The following KAT14 variants were observed in gnomAD, a reference collection of about 807,000 sequenced individuals.
KAT14 encodes the protein cysteine-rich protein 2-binding protein.
Under a neutral mutation model 78.4 loss-of-function variants are expected in KAT14, and 66 were observed. That is an observed-to-expected ratio of 0.84 (90% CI 0.69 to 1.03). KAT14 has a LOEUF of 1.03. Ranked by LOEUF, KAT14 falls within the 50% of genes least tolerant of loss-of-function variation. The probability of loss-of-function intolerance (pLI) is 0.00; values close to 1 mark genes in which losing one functional copy is unlikely to be tolerated. For synonymous variants in KAT14, 344 were observed against 359.4 expected, an observed-to-expected ratio of 0.96 and a Z score of 0.48; for missense variants, 870 against 972.5, an observed-to-expected ratio of 0.89 and a Z score of 1.40.
chr20:18,173,018 C>G (rs1325737031), intron 7 of KAT14, among the ~76,000 whole-genome samples: 1 of 152,170 alleles, frequency 6.6e-6, no homozygotes, highest in Non-Finnish European at 1.5e-5. Context: ...TTAGGTATTT[C>G]TCTTCCCCCA....
rs946953402 is a variant in KAT14, at chr20:18,183,245, G to A, written c.1928G>A (p.Arg643Gln). 36 of 1,613,902 alleles carry A rather than the reference G, an allele frequency of 2.2e-5. No individual in the cohort carries two copies. Among genetic ancestry groups the A allele is most frequent in the East Asian group, 4.5e-5 (2 of 44,880 alleles). The change falls in exon 9 of 11, where the codon CGG (arginine) becomes CAG (glutamine). Residue 643 changes from arginine (R) to glutamine (Q), a missense_variant. Physicochemically the swap from Arg to Gln is conservative, Grantham distance 43. Transcript: ENST00000688188. ...GCACCTCTCGATTACTGTTATGTGC[G>A]GCCAAATCACATCCCAACGATCAAC... ...PDAPLDYCYV[R>Q]PNHIPTINSM... is the part of the protein sequence containing the mutation.
At position 18,142,701 on chromosome 20, in the gene KAT14, A is replaced by G. The variant is rs377600919; in HGVS notation, c.41A>G (p.His14Arg). ...CACCTGAGTAGTCTGATCAGTCGGC[A>G]TGATGACGAAGCCACGAGAACATCG... ...SIHLSSLISR[H>R]DDEATRTSTS... is the part of the protein sequence containing the mutation. Residue 14 changes from histidine to arginine, a missense_variant, in exon 2 of 11, where the codon CAT becomes CGT. By Grantham distance (29) the His-to-Arg change is conservative (BLOSUM62 0). Transcript: ENST00000688188. 1.2e-6 allele frequency: 2 copies of G among 1,614,204 alleles called. No homozygotes were observed. Among genetic ancestry groups the G allele is most frequent in the Non-Finnish European group, 8.5e-7 (1 of 1,180,042 alleles).
intron 7 of KAT14, among the ~76,000 whole-genome samples, chr20:18,169,995 T>C (rs756178705): frequency 6.6e-6 from 1 of 152,220 alleles, no homozygotes; most frequent in Non-Finnish European, 1.5e-5. Flanking sequence ...GAGTAAGGCC[T>C]TAACTCTTGA....
chr20:18,140,091 A>T (rs1374899789), intron 1 of KAT14, among the ~76,000 whole-genome samples: 3 of 152,162 alleles, frequency 2.0e-5, no homozygotes, highest in Non-Finnish European at 4.4e-5. Context: ...GGAGAGCCAG[A>T]TCATAAGCAC....
At chr20:18,171,154 A>G (rs751753806) in intron 7 of KAT14, among the ~76,000 whole-genome samples, 9 of 152,148 alleles carry the variant, frequency 5.9e-5, no homozygotes, top group Non-Finnish European at 1.2e-4. Flanking sequence ...AAATTTCAAC[A>G]TTTACAGGAG....
intron 5 of KAT14, among the ~76,000 whole-genome samples, chr20:18,160,478 G>T (rs2038379127): frequency 6.6e-6 from 1 of 152,222 alleles, no homozygotes; most frequent in Non-Finnish European, 1.5e-5. Context: ...AGTACATGTA[G>T]ATTTACCCTA....
chr20:18,185,029 T>C (rs1397284040), intron 10 of KAT14, among the ~76,000 whole-genome samples: 1 of 152,210 alleles, frequency 6.6e-6, no homozygotes, highest in Non-Finnish European at 1.5e-5. Context: ...GAAACCAGTT[T>C]GTGAACATGT....
At chr20:18,138,109 T>C in intron 1 of KAT14, 58 bp downstream of exon 1, 1 of 1,418,226 alleles carries the variant, frequency 7.1e-7, no homozygotes, top group Non-Finnish European at 9.2e-7. Flanking sequence ...ACCTGGGGCC[T>C]CTCGTGGTCT....
At chr20:18,139,357 G>A (rs757042665) in intron 1 of KAT14, among the ~76,000 whole-genome samples, 1 of 152,172 alleles carries the variant, frequency 6.6e-6, no homozygotes, top group African/African-American at 2.4e-5. Context: ...ATGATCTGAC[G>A]TCAGTGAAGT....
rs1274067382 is a variant in KAT14, at chr20:18,185,307, T to C, written c.2172+515T>C. ...TCACTGCAGCCTCAACCTCCTGGGC[T>C]CGAGTGATTTTCCCGCCTCAGCCTT... On this transcript the variant is annotated intron_variant, in intron 10 of 10. Transcript: ENST00000688188. 2.6e-5 allele frequency among the ~76,000 whole-genome samples: 4 copies of C among 152,104 alleles called. No individual in the cohort carries two copies. The East Asian group carries it at 7.7e-4, about 29-fold the overall frequency.
intron 1 of KAT14, 149 bp downstream of exon 1, chr20:18,138,200 C>G: frequency 1.6e-6 from 2 of 1,263,396 alleles, no homozygotes; most frequent in Non-Finnish European, 2.0e-6. Flanking sequence ...TTTGCGGCTG[C>G]GGCCGGCGGC....
intron 7 of KAT14, among the ~76,000 whole-genome samples, chr20:18,164,398 T>C (rs1205196): frequency 0.23 from 34,322 of 151,824 alleles, 4,210 homozygotes; most frequent in East Asian, 0.51. Flanking sequence ...AGGGGTATAA[T>C]TGGAGCCTTT....
chr20:18,137,924 G>T lies in KAT14; in HGVS notation c.-581G>T. ...GGCGGCCTCTGCGCCTCGGGCGGGC[G>T]GGAGAGAGAGGCCGCGGCCGCCAGC... On this transcript the variant is annotated 5_prime_UTR_variant, in exon 1 of 11. Coordinates refer to ENST00000688188, the MANE Select transcript of KAT14 (RefSeq NM_001392073.1). 2 of 1,471,702 alleles carry T rather than the reference G, an allele frequency of 1.4e-6. No homozygotes were observed. Among genetic ancestry groups the T allele is most frequent in the Non-Finnish European group, 1.8e-6 (2 of 1,118,534 alleles). The allele number at this position is 1,471,702 out of a possible 1,614,324, so 91.2% of individuals were successfully genotyped here. A position where few individuals can be genotyped will look rare whatever the true frequency, so the allele number is the denominator to read the frequency against.
chr20:18,159,377 C>A, intron 5 of KAT14, 112 bp downstream of exon 5: 1 of 1,266,930 alleles, frequency 7.9e-7, no homozygotes, highest in Non-Finnish European at 1.1e-6. Context: ...CTCTCTGGAG[C>A]TACTCTGTTT....
chr20:18,142,813 G>A lies in KAT14; in HGVS notation c.153G>A (p.Ser51=), dbSNP rs766436587. 11 of 1,614,162 alleles carry A rather than the reference G, an allele frequency of 6.8e-6. No individual in the cohort carries two copies. Among genetic ancestry groups the A allele is most frequent in the East Asian group, 4.5e-5 (2 of 44,880 alleles). Residue 51 remains serine (S), a synonymous_variant, in exon 2 of 11, where the codon TCG becomes TCA. Coordinates refer to ENST00000688188, the MANE Select transcript of KAT14 (RefSeq NM_001392073.1). ...AGGATCAGGCATCAGTGGACTTATCGCACGACCAGAGTGGGGATTCCCTCA... is the reference window on the plus strand; with the variant it reads ...AGGATCAGGCATCAGTGGACTTATCACACGACCAGAGTGGGGATTCCCTCA... ...ESEDQASVDL[S]HDQSGDSLNS...
chr20:18,182,417 C>T (rs531787183), intron 8 of KAT14, among the ~76,000 whole-genome samples: 254 of 152,232 alleles, frequency 1.7e-3, no homozygotes, highest in African/African-American at 5.8e-3. Flanking sequence ...CCACTGGGGC[C>T]GGCCCTCATT....
chr20:18,145,378 C>T lies in KAT14; in HGVS notation c.378+27C>T, dbSNP rs752517966. The T allele has an allele frequency of 3.7e-6, 6 of 1,612,502 alleles. No individual in the cohort carries two copies. The East Asian group carries it at 1.3e-4, about 36-fold the overall frequency. ...TGAGTAAAAAGCCCTTCCCCAAATC[C>T]ATGAGGGTGGTTCCCCCAGGAGTTT... is the stretch of plus-strand genomic sequence containing the variant. On this transcript the variant is annotated intron_variant, in intron 3 of 10. Transcript: ENST00000688188.
intron 7 of KAT14, among the ~76,000 whole-genome samples, chr20:18,179,199 G>A (rs1047681806): frequency 2.6e-5 from 4 of 152,212 alleles, no homozygotes; most frequent in African/African-American, 9.6e-5. Context: ...TTCATGGGCT[G>A]GCATTGAGTG....
At chr20:18,140,724 A>G (rs1255411702) in intron 1 of KAT14, among the ~76,000 whole-genome samples, 2 of 148,682 alleles carry the variant, frequency 1.3e-5, no homozygotes, top group African/African-American at 4.9e-5. Context: ...AGGCACAAGA[A>G]TCGCTTTAAC....
Sources: allele counts gnomAD v4.1 joint callset (sites outside exome capture counted in the v4.1 genomes callset), GRCh38; gene constraint gnomAD v4.1.1; transcripts MANE v1.5; gene names NCBI Gene and HGNC (gene_info 2026-07-23, HGNC 2026-07-21).